The following ZNF385D variants were observed in gnomAD, a reference collection of about 807,000 sequenced individuals.
ZNF385D encodes the protein zinc finger protein 385D.
ZNF385D carries 15 observed loss-of-function variants against 35.8 expected under a neutral mutation model. That is an observed-to-expected ratio of 0.42 (90% CI 0.28 to 0.64). The LOEUF (loss-of-function observed/expected upper bound fraction) is 0.64, where lower values mean the gene tolerates loss of function less well. Among genes scored for constraint, ZNF385D ranks in the 30% least tolerant of loss-of-function variants. ZNF385D has a pLI of 0.23. For synonymous variants in ZNF385D, 212 were observed against 186.8 expected (o/e 1.13, Z -1.10); for missense variants, 474 against 494.6 (o/e 0.96, Z 0.39).
intron 3 of ZNF385D, among the ~76,000 whole-genome samples, chr3:22,004,970 A>G (rs1454300876): frequency 6.9e-6 from 1 of 144,488 alleles, no homozygotes; most frequent in South Asian, 2.3e-4. Flanking sequence ...GGGTGTCCTT[A>G]GCTTTGGCAA....
At chr3:21,487,453 C>G (rs1388363377) in intron 4 of ZNF385D, among the ~76,000 whole-genome samples, 1 of 152,038 alleles carries the variant, frequency 6.6e-6, no homozygotes, top group East Asian at 1.9e-4. Flanking sequence ...AATTACAAAT[C>G]TTATCTAACA....
chr3:22,163,384 C>T (rs1706098441), intron 3 of ZNF385D, among the ~76,000 whole-genome samples: 1 of 152,074 alleles, frequency 6.6e-6, no homozygotes, highest in South Asian at 2.1e-4. Flanking sequence ...AACAATAGCC[C>T]CCTAATTAAT....
At chr3:22,172,617 C>A (rs973792089) in intron 2 of ZNF385D, among the ~76,000 whole-genome samples, 6 of 152,136 alleles carry the variant, frequency 3.9e-5, no homozygotes, top group Non-Finnish European at 8.8e-5. Context: ...CTGGACCCTA[C>A]AATTCGTGTA....
At chr3:21,764,905 C>G (rs576518257) in intron 3 of ZNF385D, among the ~76,000 whole-genome samples, 61 of 152,222 alleles carry the variant, frequency 4.0e-4, no homozygotes, top group Non-Finnish European at 4.4e-4. Context: ...CCACTTCTCT[C>G]CTGCCTACAA....
intron 1 of ZNF385D, among the ~76,000 whole-genome samples, chr3:21,718,527 A>C (rs974168355): frequency 6.6e-6 from 1 of 152,218 alleles, no homozygotes; most frequent in South Asian, 2.1e-4. Flanking sequence ...ATATTATCTT[A>C]TTTAATCCTC....
At chr3:22,345,733 G>T (rs1459242217) in intron 2 of ZNF385D, among the ~76,000 whole-genome samples, 1 of 152,192 alleles carries the variant, frequency 6.6e-6, no homozygotes, top group Non-Finnish European at 1.5e-5. Flanking sequence ...GCTTCTAGAA[G>T]TGCTACTGGC....
At chr3:21,988,985 T>C (rs138283084) in intron 3 of ZNF385D, among the ~76,000 whole-genome samples, 5,779 of 152,238 alleles carry the variant, frequency 0.038, 150 homozygotes, top group Middle Eastern at 0.071. Flanking sequence ...GCTTCCCAGG[T>C]GAGGCAATGC....
At chr3:22,200,614 G>C (rs548995732) in intron 2 of ZNF385D, among the ~76,000 whole-genome samples, 1 of 151,926 alleles carries the variant, frequency 6.6e-6, no homozygotes, top group Non-Finnish European at 1.5e-5. Context: ...GGTTTTGAGA[G>C]CAACTAGTCT....
rs530341868 is a variant in ZNF385D at position 21,508,072 on chromosome 3, CTT to C, written c.439+2787_439+2788del. ...TCCTCATGGATTAGGAAAGCAATGT[CTT>C]TCCTAATGTCCATCGCTTCCTTCTT... is the stretch of plus-strand genomic sequence containing the variant. On this transcript the variant is annotated intron_variant, in intron 4 of 7. Coordinates refer to ENST00000281523, the MANE Select transcript of ZNF385D (RefSeq NM_024697.3). 3.7e-4 allele frequency among the ~76,000 whole-genome samples: 57 copies of C among 152,128 alleles called. 1 individual carries two copies. In the East Asian group the frequency reaches 0.011, roughly 30 times the overall value.
At chr3:22,117,656 A>G (rs182974348) in intron 3 of ZNF385D, among the ~76,000 whole-genome samples, 1 of 152,142 alleles carries the variant, frequency 6.6e-6, no homozygotes. Context: ...ACTTTTAAAT[A>G]AACTTAATGG....
chr3:21,634,991 T>C (rs548178641), intron 2 of ZNF385D, among the ~76,000 whole-genome samples: 2 of 152,250 alleles, frequency 1.3e-5, no homozygotes, highest in African/African-American at 4.8e-5. Flanking sequence ...GATTTCCTGC[T>C]TCAAGTTTAA....
chr3:21,764,307 A>G (rs13081154), intron 3 of ZNF385D, among the ~76,000 whole-genome samples: 145,087 of 152,228 alleles, frequency 0.95, 69,146 homozygotes, highest in East Asian at 1. Flanking sequence ...GTAGTTTGAA[A>G]GAAACTGTGA....
chr3:21,807,193 A>C (rs1454524743), intron 3 of ZNF385D, among the ~76,000 whole-genome samples: 3 of 152,242 alleles, frequency 2.0e-5, no homozygotes, highest in Admixed American at 2.0e-4. Flanking sequence ...TACTTTATAT[A>C]AACTAAAATA....
intron 2 of ZNF385D, among the ~76,000 whole-genome samples, chr3:22,332,035 T>C (rs922064995): frequency 1.3e-5 from 2 of 152,210 alleles, no homozygotes; most frequent in Non-Finnish European, 2.9e-5. Context: ...AGAAGAATAG[T>C]ACAATAAATA....
chr3:22,130,373 A>C (rs1315367096), intron 3 of ZNF385D, among the ~76,000 whole-genome samples: 1 of 152,122 alleles, frequency 6.6e-6, no homozygotes, highest in African/African-American at 2.4e-5. Context: ...CTTCCCCAGG[A>C]ATTAATTACA....
At chr3:22,173,619 T>C (rs1264691377) in intron 2 of ZNF385D, among the ~76,000 whole-genome samples, 2 of 152,184 alleles carry the variant, frequency 1.3e-5, no homozygotes, top group Non-Finnish European at 2.9e-5. Context: ...TGCTCATTCA[T>C]CTCACGGTAG....
At chr3:22,333,199 A>AAATTTTTCTC in intron 2 of ZNF385D, among the ~76,000 whole-genome samples, 1 of 152,196 alleles carries the variant, frequency 6.6e-6, no homozygotes, top group African/African-American at 2.4e-5. Flanking sequence ...GACCCTTTAT[A>AAATTTTTCTC]AGTTTTTCTC....
chr3:22,142,433 T>C (rs945118358), intron 3 of ZNF385D, among the ~76,000 whole-genome samples: 18 of 152,346 alleles, frequency 1.2e-4, no homozygotes, highest in Admixed American at 7.2e-4. Context: ...AAGTCCAATG[T>C]AGAGAACGAA....
At chr3:21,730,683 T>C (rs2068955604) in intron 1 of ZNF385D, among the ~76,000 whole-genome samples, 1 of 152,252 alleles carries the variant, frequency 6.6e-6, no homozygotes, top group African/African-American at 2.4e-5. Context: ...GTCTAACAAC[T>C]GCTCATGAGT....
Sources: allele counts gnomAD v4.1 joint callset (sites outside exome capture counted in the v4.1 genomes callset), GRCh38; gene constraint gnomAD v4.1.1; transcripts MANE v1.5; gene names NCBI Gene and HGNC (gene_info 2026-07-23, HGNC 2026-07-21).